PPP3CC: variants seen among roughly 807,000 people sequenced by gnomAD.
The protein encoded by PPP3CC is protein phosphatase 3 catalytic subunit gamma, also known as serine/threonine-protein phosphatase 2B catalytic subunit gamma isoform.
A neutral mutation model predicts 60.3 loss-of-function variants in PPP3CC; 35 were observed. The ratio of observed to expected loss-of-function variants is 0.58; its 90% confidence interval spans 0.44 to 0.77. The LOEUF (loss-of-function observed/expected upper bound fraction) is 0.77, where lower values mean the gene tolerates loss of function less well. Among genes scored for constraint, PPP3CC ranks in the 30% least tolerant of loss-of-function variants. The probability of loss-of-function intolerance (pLI) is 0.00; values close to 1 mark genes in which losing one functional copy is unlikely to be tolerated. For missense variants in PPP3CC, 570 were observed against 628.9 expected, an observed-to-expected ratio of 0.91 and a Z score of 1.00; for synonymous variants, 206 against 224.3, an observed-to-expected ratio of 0.92 and a Z score of 0.73.
In PPP3CC at chr8:22,524,489, A is replaced by G. The variant is rs1043161400; in HGVS notation, c.943+1740A>G. On this transcript the variant is annotated intron_variant, in intron 8 of 13. Transcript: ENST00000240139. ...TTCTCTGAGCCTTATCTGTCCTACA[A>G]TGCTCTGCTTCTCCCTAAGTTCATT... Among the ~76,000 whole-genome samples, 3 of 152,284 alleles carry G rather than the reference A, an allele frequency of 2.0e-5. 1 individual carries two copies. Among genetic ancestry groups the G allele is most frequent in the Non-Finnish European group, 2.9e-5 (2 of 68,018 alleles).
intron 10 of PPP3CC, chr8:22,531,373 C>G (rs968519522): frequency 6.7e-7 from 1 of 1,485,002 alleles, no homozygotes; most frequent in African/African-American, 1.4e-5. Context: ...TACTCTCTGT[C>G]CCACCATAGT....
intron 1 of PPP3CC, 139 bp from the exon 2 acceptor site, chr8:22,474,815 A>G: frequency 2.3e-6 from 1 of 442,968 alleles, no homozygotes; most frequent in Non-Finnish European, 3.7e-6. Flanking sequence ...GTATCTTAGA[A>G]TTTTTTCCCC....
At chr8:22,526,421 A>T in intron 8 of PPP3CC, among the ~76,000 whole-genome samples, 1 of 152,240 alleles carries the variant, frequency 6.6e-6, no homozygotes, top group Admixed American at 6.5e-5. Flanking sequence ...ACACGTGAAA[A>T]TAATGGAACA....
chr8:22,538,865 T>C (rs992622448), intron 12 of PPP3CC, among the ~76,000 whole-genome samples: 1 of 152,212 alleles, frequency 6.6e-6, no homozygotes, highest in Admixed American at 6.5e-5. Context: ...GCATTAGGAA[T>C]TCAATAGTTC....
At chr8:22,520,879 A>G (rs1344727401) in intron 6 of PPP3CC, among the ~76,000 whole-genome samples, 5 of 152,152 alleles carry the variant, frequency 3.3e-5, no homozygotes, top group African/African-American at 9.7e-5. Context: ...TATAATTCAT[A>G]TAGCCTTGCA....
At chr8:22,522,350 GC>G in intron 6 of PPP3CC, 140 bp from the exon 7 acceptor site, 1 of 626,280 alleles carries the variant, frequency 1.6e-6, no homozygotes, top group East Asian at 2.8e-5. Context: ...TGAGTACTAA[GC>G]TATTCATAAA....
At chr8:22,522,315 T>A (rs1839429700) in intron 6 of PPP3CC, among the ~76,000 whole-genome samples, 176 bp from the exon 7 acceptor site, 1 of 152,144 alleles carries the variant, frequency 6.6e-6, no homozygotes, top group Non-Finnish European at 1.5e-5. Flanking sequence ...GTGAAGTATA[T>A]TAGTGAAATA....
intron 8 of PPP3CC, among the ~76,000 whole-genome samples, chr8:22,527,013 A>G (rs1839577542): frequency 6.6e-6 from 1 of 152,192 alleles, no homozygotes; most frequent in Admixed American, 6.5e-5. Flanking sequence ...GTGTCCATTT[A>G]ATGAGTAATT....
At chr8:22,506,930 AT>A (rs1393421359) in intron 4 of PPP3CC, among the ~76,000 whole-genome samples, 26 of 140,640 alleles carry the variant, frequency 1.8e-4, no homozygotes, top group South Asian at 1.4e-3. Flanking sequence ...AAATAAATAA[AT>A]TAATTAATTA....
intron 13 of PPP3CC, among the ~76,000 whole-genome samples, chr8:22,540,092 C>G (rs1464079219): frequency 6.6e-6 from 1 of 152,178 alleles, no homozygotes; most frequent in Non-Finnish European, 1.5e-5. Flanking sequence ...TATGTAGAAG[C>G]TATTTTTAAG....
chr8:22,520,611 C>T (rs1017766824), intron 6 of PPP3CC, among the ~76,000 whole-genome samples: 12 of 152,128 alleles, frequency 7.9e-5, no homozygotes, highest in Non-Finnish European at 1.5e-4. Context: ...GTCTCTTGAG[C>T]TTTTCAGTTG....
chr8:22,539,537 CTG>C, intron 13 of PPP3CC, 39 bp downstream of exon 13: 1 of 1,597,130 alleles, frequency 6.3e-7, no homozygotes, highest in Non-Finnish European at 8.5e-7. Flanking sequence ...ATCCATGTGT[CTG>C]TGTACTGGTT....
intron 3 of PPP3CC, among the ~76,000 whole-genome samples, chr8:22,484,321 GAC>G (rs940327477): frequency 2.6e-5 from 4 of 151,626 alleles, no homozygotes; most frequent in African/African-American, 9.7e-5. Context: ...TTATTATGTA[GAC>G]ACAGCATACA....
intron 1 of PPP3CC, among the ~76,000 whole-genome samples, chr8:22,472,928 A>T (rs892054187): frequency 1.7e-4 from 26 of 152,140 alleles, no homozygotes; most frequent in Admixed American, 1.0e-3. Flanking sequence ...ACTAGATGAC[A>T]GGAGTTTTTC....
chr8:22,462,657 G>A (rs1249196498), intron 1 of PPP3CC, among the ~76,000 whole-genome samples: 3 of 151,022 alleles, frequency 2.0e-5, no homozygotes, highest in Middle Eastern at 3.4e-3. Context: ...TGCAAGCTCC[G>A]CCTCCTGAGT....
rs759979735 is a variant in PPP3CC at position 22,451,250 on chromosome 8, C to T, written c.49+9792C>T. 4.2e-4 allele frequency among the ~76,000 whole-genome samples: 64 copies of T among 152,236 alleles called. 1 individual carries two copies. The highest frequency in any genetic ancestry group is 3.5e-3 in the South Asian group (17 of 4,826). ...TCCCAGGTTCAAGTGATTCTCCTGC[C>T]CCAGCCTCCCGAGTAGCTGGGATTA... On this transcript the variant is annotated intron_variant, in intron 1 of 13. Coordinates refer to ENST00000240139, the MANE Select transcript of PPP3CC (RefSeq NM_005605.5).
In PPP3CC at chr8:22,502,637, A is replaced by G. The variant is rs547793707; in HGVS notation, c.484+4525A>G. On this transcript the variant is annotated intron_variant, in intron 4 of 13. Coordinates refer to ENST00000240139, the MANE Select transcript of PPP3CC (RefSeq NM_005605.5). ...CAGGAATTCAAGGCTGCAGTCAGCT[A>G]TGATCACCACACTCCAGCCTGGGTG... Among the ~76,000 whole-genome samples the G allele has an allele frequency of 2.0e-5, 3 of 152,124 alleles. No homozygotes were observed. The South Asian group carries it at 6.2e-4, about 32-fold the overall frequency.
chr8:22,452,752 C>G, intron 1 of PPP3CC, among the ~76,000 whole-genome samples: 1 of 152,150 alleles, frequency 6.6e-6, no homozygotes, highest in East Asian at 1.9e-4. Context: ...ATGAAACTTG[C>G]AGTGGCAAGC....
rs140593002 is a variant in PPP3CC, at chr8:22,470,276, G to T, written c.50-4678G>T. 3.1e-3 allele frequency among the ~76,000 whole-genome samples: 473 copies of T among 152,014 alleles called. 3 individuals are homozygous for T. Among genetic ancestry groups the T allele is most frequent in the African/African-American group, 0.011 (449 of 41,452 alleles). On this transcript the variant is annotated intron_variant, in intron 1 of 13. Coordinates refer to ENST00000240139, the MANE Select transcript of PPP3CC (RefSeq NM_005605.5). ...CACTGGGATTATAGGTGTGAGCCACGATGCCTGGCCCTGCAGTATAATTTA... is the reference window on the plus strand; with the variant it reads ...CACTGGGATTATAGGTGTGAGCCACTATGCCTGGCCCTGCAGTATAATTTA...
Sources: allele counts gnomAD v4.1 joint callset (sites outside exome capture counted in the v4.1 genomes callset), GRCh38; gene constraint gnomAD v4.1.1; transcripts MANE v1.5; gene names NCBI Gene and HGNC (gene_info 2026-07-23, HGNC 2026-07-21).